Variants in RTN1 observed in about 807,000 individuals in gnomAD.
The protein encoded by RTN1 is reticulon-1.
In RTN1, 25 loss-of-function variants were observed where a neutral mutation model predicts 65.5. That is an observed-to-expected ratio of 0.38 (90% CI 0.28 to 0.53). The LOEUF (loss-of-function observed/expected upper bound fraction) is 0.53, where lower values mean the gene tolerates loss of function less well. RTN1 is among the 20% of genes least tolerant of loss of function. The pLI, the probability that RTN1 is intolerant of heterozygous loss-of-function variation, is 0.79. For missense variants in RTN1, 983 were observed against 1,025.4 expected, an observed-to-expected ratio of 0.96 and a Z score of 0.57; for synonymous variants, 471 against 447.6, an observed-to-expected ratio of 1.05 and a Z score of -0.66.
At chr14:59,740,052 T>C (rs1258551469) in intron 2 of RTN1, among the ~76,000 whole-genome samples, 1 of 152,202 alleles carries the variant, frequency 6.6e-6, no homozygotes, top group Non-Finnish European at 1.5e-5. Flanking sequence ...TGGGAGCCCC[T>C]AGGCAGCCTT....
At chr14:59,824,138 G>A (rs140249970) in intron 1 of RTN1, among the ~76,000 whole-genome samples, 1 of 152,198 alleles carries the variant, frequency 6.6e-6, no homozygotes, top group Non-Finnish European at 1.5e-5. Flanking sequence ...ATACCTGGAT[G>A]TAGTAAAGAT....
Position 59,790,884 on chromosome 14 carries a change from C to T in RTN1, c.242-44403G>A, listed in dbSNP as rs1325361988. Among the ~76,000 whole-genome samples, 1 of 152,056 alleles carries T rather than the reference C, an allele frequency of 6.6e-6. No individual in the cohort carries two copies. Among genetic ancestry groups the T allele is most frequent in the Non-Finnish European group, 1.5e-5 (1 of 68,018 alleles). On this transcript the variant is annotated intron_variant, in intron 1 of 8. Transcript: ENST00000267484. The surrounding 1 kb of genome is among the most constrained non-coding windows in gnomAD (Gnocchi z 4.1). ...TTTTATGTTCACTGATTATTTGAAGCCTTTCTTCCAAGTCATTATTTCAGG... is the reference window on the plus strand; with the variant it reads ...TTTTATGTTCACTGATTATTTGAAGTCTTTCTTCCAAGTCATTATTTCAGG...
At chr14:59,807,666 T>C (rs1886661620) in intron 1 of RTN1, among the ~76,000 whole-genome samples, 1 of 152,226 alleles carries the variant, frequency 6.6e-6, no homozygotes, top group African/African-American at 2.4e-5. Flanking sequence ...GGAAAAGCTT[T>C]AACTTTAGAT....
At chr14:59,713,554 T>C (rs1329990170) in intron 3 of RTN1, among the ~76,000 whole-genome samples, 2 of 152,194 alleles carry the variant, frequency 1.3e-5, no homozygotes, top group African/African-American at 4.8e-5. Context: ...AATGGGTCCT[T>C]GGACTAAGGA....
chr14:59,848,571 T>G (rs565291271), intron 1 of RTN1, among the ~76,000 whole-genome samples: 17 of 152,198 alleles, frequency 1.1e-4, no homozygotes, highest in Non-Finnish European at 2.5e-4. Flanking sequence ...TGTAATTGAT[T>G]TAAGATTGGC....
At chr14:59,785,591 T>C (rs1886236798) in intron 1 of RTN1, among the ~76,000 whole-genome samples, 1 of 152,270 alleles carries the variant, frequency 6.6e-6, no homozygotes, top group South Asian at 2.1e-4. Context: ...CAAATAGTTT[T>C]GCTTGAAGAA....
At chr14:59,749,589 A>G (rs535516872) in intron 1 of RTN1, among the ~76,000 whole-genome samples, 1 of 64,684 alleles carries the variant, frequency 1.5e-5, no homozygotes, top group Non-Finnish European at 2.3e-5. Flanking sequence ...ATAGATATTT[A>G]TATATATATC....
chr14:59,870,263 G>C lies in RTN1; in HGVS notation c.241+127C>G. The C allele has an allele frequency of 1.1e-6, 1 of 932,080 alleles. No individual in the cohort carries two copies. The highest frequency in any genetic ancestry group is 1.4e-6 in the Non-Finnish European group (1 of 700,356). The allele number at this position is 932,080 out of a possible 1,614,324, so 57.7% of individuals were successfully genotyped here. A position where few individuals can be genotyped will look rare whatever the true frequency, so the allele number is the denominator to read the frequency against. On this transcript the variant is annotated intron_variant, in intron 1 of 8. Transcript: ENST00000267484. This position sits in a 1 kb window ranked among gnomAD's most constrained non-coding sequence, Gnocchi z 5.1. ...AATATTCCCAGTCGCCCGTGGCGAC[G>C]CGGGGGTGGGGTCGGCGCTCAAGGC... is the stretch of plus-strand genomic sequence containing the variant.
At chr14:59,717,962 T>G (rs1884571976) in intron 3 of RTN1, among the ~76,000 whole-genome samples, 1 of 152,168 alleles carries the variant, frequency 6.6e-6, no homozygotes, top group African/African-American at 2.4e-5. Flanking sequence ...CATTAGCCCC[T>G]TCCTAGGAAA....
chr14:59,630,871 G>C (rs1016152920), intron 3 of RTN1: 38 of 991,734 alleles, frequency 3.8e-5, no homozygotes, highest in Non-Finnish European at 4.6e-5. Flanking sequence ...AGGGGAAAAA[G>C]GGCTGACGGT....
rs538573041 is a variant in RTN1 at position 59,735,270 on chromosome 14, C to A, written c.1016-7602G>T. Reference sequence around the variant, plus strand: ...TATGGAAAGGAAAAACCATTACCAGCCACTACAAAAACACATTGAAGTATA... The same window carrying A: ...TATGGAAAGGAAAAACCATTACCAGACACTACAAAAACACATTGAAGTATA... On this transcript the variant is annotated intron_variant, in intron 2 of 8. Transcript: ENST00000267484. Among the ~76,000 whole-genome samples the A allele has an allele frequency of 2.0e-5, 3 of 152,318 alleles. No individual in the cohort carries two copies. In the South Asian group the frequency reaches 6.2e-4, roughly 32 times the overall value.
rs976378659 is a variant in RTN1, at chr14:59,605,483, G to A, written c.1997C>T (p.Thr666Ile). 6.2e-7 allele frequency: 1 copy of A among 1,614,082 alleles called. No homozygotes were observed. The highest frequency in any genetic ancestry group is 1.7e-5 in the Admixed American group (1 of 60,022). ...PFKAYLELEI[T>I]LSQEQIQKYT... ...CTTCTGAATCTGCTCCTGAGAAAGG[G>A]TGATCTCAAGCTCCAAGTAGGCCCT... The change falls in exon 5 of 9, where the codon ACC (threonine) becomes ATC (isoleucine). Residue 666 changes from threonine (T) to isoleucine (I), a missense_variant. By Grantham distance (89) the Thr-to-Ile change is moderately conservative. Around this residue, in one of 2 missense-constraint regions of RTN1, gnomAD observed 165 missense variants for 223.6 expected, o/e 0.74. Coordinates refer to ENST00000267484, the MANE Select transcript of RTN1 (RefSeq NM_021136.3).
At chr14:59,644,506 G>A (rs1234390596) in intron 3 of RTN1, among the ~76,000 whole-genome samples, 1 of 152,168 alleles carries the variant, frequency 6.6e-6, no homozygotes, top group African/African-American at 2.4e-5. Context: ...GGCACACGTG[G>A]AGCCCCGGGA....
intron 3 of RTN1, among the ~76,000 whole-genome samples, chr14:59,665,775 A>C (rs546686645): frequency 8.5e-5 from 13 of 152,180 alleles, no homozygotes; most frequent in African/African-American, 1.2e-4. Flanking sequence ...AAGCAAAAAA[A>C]AGCAGGGGTT....
chr14:59,856,467 G>T (rs1430962979), intron 1 of RTN1, among the ~76,000 whole-genome samples: 1 of 152,048 alleles, frequency 6.6e-6, no homozygotes, highest in Admixed American at 6.5e-5. Context: ...TAGGCTTATT[G>T]CCCTTCCACT....
intron 3 of RTN1, among the ~76,000 whole-genome samples, chr14:59,654,555 T>G (rs1883085194): frequency 1.3e-5 from 2 of 151,734 alleles, no homozygotes; most frequent in South Asian, 4.2e-4. Context: ...CAATATCTCT[T>G]ATGAATATAG....
chr14:59,655,796 C>T (rs966926363), intron 3 of RTN1, among the ~76,000 whole-genome samples: 1 of 152,162 alleles, frequency 6.6e-6, no homozygotes, highest in Non-Finnish European at 1.5e-5. Flanking sequence ...TGAACAAGAA[C>T]AAATTTGGAC....
At chr14:59,696,511 G>A (rs1181215375) in intron 3 of RTN1, among the ~76,000 whole-genome samples, 2 of 150,488 alleles carry the variant, frequency 1.3e-5, no homozygotes, top group Non-Finnish European at 3.0e-5. Flanking sequence ...GTCTGTTGCT[G>A]AATTGATTGT....
intron 1 of RTN1, among the ~76,000 whole-genome samples, chr14:59,773,958 C>T (rs1474537684): frequency 1.3e-5 from 2 of 152,162 alleles, no homozygotes; most frequent in Non-Finnish European, 2.9e-5. Flanking sequence ...ACATTTCATT[C>T]ATATATGCCT....
Sources: gnomAD v4.1 joint callset for allele counts (sites outside exome capture counted in the v4.1 genomes callset) on GRCh38, gnomAD v4.1.1 for gene constraint, gnomAD v4.1.1 regional missense constraint, Gnocchi (gnomAD v3.1) non-coding constraint, MANE v1.5 for transcripts, NCBI Gene and HGNC (gene_info 2026-07-23, HGNC 2026-07-21) for gene names.